SGCZ: variants seen among roughly 807,000 people sequenced by gnomAD.
The protein encoded by SGCZ is sarcoglycan zeta.
SGCZ carries 40 observed loss-of-function variants against 41.3 expected under a neutral mutation model. The ratio of observed to expected loss-of-function variants is 0.97; its 90% confidence interval spans 0.75 to 1.26. SGCZ has a LOEUF of 1.26. Ranked by LOEUF, SGCZ falls within the 50% of genes most tolerant of loss-of-function variation. The probability of loss-of-function intolerance (pLI) is 0.00; values close to 1 mark genes in which losing one functional copy is unlikely to be tolerated. For missense variants in SGCZ, 552 were observed against 369.8 expected, an observed-to-expected ratio of 1.49 and a Z score of -4.04; for synonymous variants, 206 against 137.5, an observed-to-expected ratio of 1.50 and a Z score of -3.49.
At chr8:14,752,097 A>G (rs961547654) in intron 1 of SGCZ, among the ~76,000 whole-genome samples, 1 of 127,648 alleles carries the variant, frequency 7.8e-6, no homozygotes, top group African/African-American at 2.8e-5. Context: ...ACAGAGCCAA[A>G]ATACCGAAAA....
chr8:14,158,701 A>T (rs971775036), intron 5 of SGCZ, among the ~76,000 whole-genome samples: 1 of 152,214 alleles, frequency 6.6e-6, no homozygotes, highest in African/African-American at 2.4e-5. Flanking sequence ...GCCCTGAATG[A>T]TGGCCAGCAA....
chr8:15,219,868 T>C (rs1276145464), intron 1 of SGCZ, among the ~76,000 whole-genome samples: 1 of 152,208 alleles, frequency 6.6e-6, no homozygotes, highest in East Asian at 1.9e-4. Context: ...GAAGTGCCTA[T>C]AGTGTGTAAA....
At chr8:14,311,591 C>T (rs921265453) in intron 3 of SGCZ, among the ~76,000 whole-genome samples, 4 of 152,074 alleles carry the variant, frequency 2.6e-5, no homozygotes, top group Non-Finnish European at 5.9e-5. Flanking sequence ...TTTCATTCTA[C>T]GATCTAATTT....
chr8:14,439,948 G>C (rs1047335154), intron 2 of SGCZ, among the ~76,000 whole-genome samples: 2 of 151,488 alleles, frequency 1.3e-5, no homozygotes, highest in African/African-American at 4.8e-5. Flanking sequence ...CCTAATATTT[G>C]GTTCACGGAC....
intron 1 of SGCZ, among the ~76,000 whole-genome samples, chr8:14,886,401 C>T (rs568828663): frequency 6.6e-6 from 1 of 151,988 alleles, no homozygotes; most frequent in South Asian, 2.1e-4. Context: ...TAAGGGGAAG[C>T]AAAATATATT....
At chr8:15,001,623 G>A (rs998854188) in intron 1 of SGCZ, among the ~76,000 whole-genome samples, 8 of 151,566 alleles carry the variant, frequency 5.3e-5, no homozygotes, top group African/African-American at 1.7e-4. Context: ...CAGCTACTCG[G>A]GAGGCTGAGG....
intron 1 of SGCZ, among the ~76,000 whole-genome samples, chr8:14,976,419 TC>T (rs1801480517): frequency 2.0e-5 from 3 of 152,200 alleles, no homozygotes; most frequent in Admixed American, 2.0e-4. Context: ...ATACTAATAT[TC>T]CCTGTGACCT....
intron 1 of SGCZ, among the ~76,000 whole-genome samples, chr8:15,091,569 C>T (rs1346920288): frequency 6.6e-6 from 1 of 152,048 alleles, no homozygotes; most frequent in Non-Finnish European, 1.5e-5. Context: ...ACCAAAGCAC[C>T]GTGTTAAAAG....
At chr8:14,217,337 A>C (rs1056769479) in intron 4 of SGCZ, among the ~76,000 whole-genome samples, 3 of 149,964 alleles carry the variant, frequency 2.0e-5, no homozygotes, top group African/African-American at 7.4e-5. Context: ...ATACACACAC[A>C]CACCCACACG....
At chr8:14,248,588 A>T (rs1799184992) in intron 3 of SGCZ, among the ~76,000 whole-genome samples, 1 of 152,124 alleles carries the variant, frequency 6.6e-6, no homozygotes, top group South Asian at 2.1e-4. Context: ...TATTTAAATA[A>T]GAAATTAATC....
chr8:14,768,004 G>A lies in SGCZ; in HGVS notation c.40-213078C>T, dbSNP rs559363406. 4.6e-5 allele frequency among the ~76,000 whole-genome samples: 7 copies of A among 152,270 alleles called. No individual in the cohort carries two copies. In the South Asian group the frequency reaches 8.3e-4, roughly 18 times the overall value. Reference sequence around the variant, plus strand: ...ATCCCAGTCCTCCATGTAATATGCCGAGTAGCCTTCTCACACATCTTGTTG... The same window carrying A: ...ATCCCAGTCCTCCATGTAATATGCCAAGTAGCCTTCTCACACATCTTGTTG... On this transcript the variant is annotated intron_variant, in intron 1 of 7. Coordinates refer to ENST00000382080, the MANE Select transcript of SGCZ (RefSeq NM_139167.4).
chr8:14,565,941 A>G (rs1510431), intron 1 of SGCZ, among the ~76,000 whole-genome samples: 16,340 of 152,166 alleles, frequency 0.11, 1,190 homozygotes, highest in East Asian at 0.33. Flanking sequence ...TACCAGATTC[A>G]TGTAAATTAT....
chr8:14,702,965 A>T (rs1169982955), intron 1 of SGCZ, among the ~76,000 whole-genome samples: 1 of 138,080 alleles, frequency 7.2e-6, no homozygotes, highest in Non-Finnish European at 1.6e-5. Flanking sequence ...AGATAGATAG[A>T]TAGATAGACA....
At chr8:14,872,806 A>T (rs570592718) in intron 1 of SGCZ, among the ~76,000 whole-genome samples, 44 of 152,286 alleles carry the variant, frequency 2.9e-4, no homozygotes, top group African/African-American at 9.6e-4. Context: ...TATTTTATTC[A>T]TCTTTTTATC....
intron 1 of SGCZ, among the ~76,000 whole-genome samples, chr8:14,693,316 A>G (rs900183253): frequency 1.3e-5 from 2 of 149,676 alleles, no homozygotes; most frequent in Non-Finnish European, 3.0e-5. Context: ...CCCCCAGATG[A>G]AATCTTGCTC....
At chr8:15,205,657 G>A (rs1014111068) in intron 1 of SGCZ, among the ~76,000 whole-genome samples, 2 of 152,130 alleles carry the variant, frequency 1.3e-5, no homozygotes, top group Non-Finnish European at 2.9e-5. Flanking sequence ...CTGATACACT[G>A]TTGGTGGGAA....
At chr8:14,929,612 T>C (rs964166954) in intron 1 of SGCZ, among the ~76,000 whole-genome samples, 2 of 151,836 alleles carry the variant, frequency 1.3e-5, no homozygotes, top group South Asian at 4.1e-4. Context: ...AGAAGGAATA[T>C]ACACTCAGCA....
chr8:14,267,870 G>A (rs2117254693), intron 3 of SGCZ, among the ~76,000 whole-genome samples: 1 of 151,996 alleles, frequency 6.6e-6, no homozygotes, highest in South Asian at 2.1e-4. Context: ...ATATTCTTAA[G>A]ATGTAAAAAA....
chr8:14,823,725 G>T (rs761111220), intron 1 of SGCZ, among the ~76,000 whole-genome samples: 4 of 152,142 alleles, frequency 2.6e-5, no homozygotes, highest in Non-Finnish European at 5.9e-5. Context: ...TTCCATTCCT[G>T]TGTCTATATT....
Sources: allele counts gnomAD v4.1 joint callset (sites outside exome capture counted in the v4.1 genomes callset), GRCh38; gene constraint gnomAD v4.1.1; transcripts MANE v1.5; gene names NCBI Gene and HGNC (gene_info 2026-07-23, HGNC 2026-07-21).